Variants in CCDC148 observed in about 807,000 individuals in gnomAD.
CCDC148 encodes coiled-coil domain containing 148.
In CCDC148, 89 loss-of-function variants were observed where a neutral mutation model predicts 85.7. That is an observed-to-expected ratio of 1.04 (90% confidence interval 0.87 to 1.24). CCDC148 has a LOEUF of 1.24. CCDC148 is among the 50% of genes most tolerant of loss of function. CCDC148 has a pLI of 0.00. For missense variants in CCDC148, 692 were observed against 671.7 expected, an observed-to-expected ratio of 1.03 and a Z score of -0.33; for synonymous variants, 230 against 213.9, an observed-to-expected ratio of 1.08 and a Z score of -0.66.
At chr2:158,294,499 G>C (rs984088614) in intron 9 of CCDC148, among the ~76,000 whole-genome samples, 2 of 152,050 alleles carry the variant, frequency 1.3e-5, no homozygotes, top group South Asian at 2.1e-4. Flanking sequence ...ATAAGGAACT[G>C]CCAAAACAAG....
At chr2:158,254,618 A>G (rs1688935450) in intron 9 of CCDC148, among the ~76,000 whole-genome samples, 1 of 151,662 alleles carries the variant, frequency 6.6e-6, no homozygotes, top group Non-Finnish European at 1.5e-5. Flanking sequence ...GTTCTGAGGC[A>G]GTAGGAAGGA....
At chr2:158,282,517 T>A (rs1690375742) in intron 9 of CCDC148, among the ~76,000 whole-genome samples, 1 of 152,034 alleles carries the variant, frequency 6.6e-6, no homozygotes, top group Admixed American at 6.6e-5. Context: ...ATGAGTGAAC[T>A]CCCATTCACA....
intron 7 of CCDC148, among the ~76,000 whole-genome samples, chr2:158,333,687 A>C (rs929243812): frequency 6.6e-6 from 1 of 151,996 alleles, no homozygotes; most frequent in African/African-American, 2.4e-5. Context: ...ATGCTTTAGG[A>C]TCTGGGTGCT....
At chr2:158,437,441 A>C (rs1687713133) in intron 1 of CCDC148, among the ~76,000 whole-genome samples, 2 of 152,252 alleles carry the variant, frequency 1.3e-5, no homozygotes, top group Non-Finnish European at 2.9e-5. Context: ...TTCATGCTGA[A>C]AACTCTTAAT....
At chr2:158,455,941 AAAAC>A (rs1299069356) in intron 1 of CCDC148, among the ~76,000 whole-genome samples, 3 of 152,230 alleles carry the variant, frequency 2.0e-5, no homozygotes, top group Non-Finnish European at 4.4e-5. Context: ...TGGAAAATAG[AAAAC>A]AAAATCCATC....
chr2:158,322,283 T>C (rs1338519579), intron 7 of CCDC148, among the ~76,000 whole-genome samples: 1 of 152,136 alleles, frequency 6.6e-6, no homozygotes, highest in Non-Finnish European at 1.5e-5. Flanking sequence ...GTTAAATGTA[T>C]GTGATACAGT....
chr2:158,339,844 C>T (rs1374453567), intron 5 of CCDC148, among the ~76,000 whole-genome samples: 1 of 152,122 alleles, frequency 6.6e-6, no homozygotes, highest in Non-Finnish European at 1.5e-5. Context: ...TGTCAGGTAG[C>T]AGATGTGATT....
At chr2:158,275,815 C>G (rs1245482265) in intron 9 of CCDC148, among the ~76,000 whole-genome samples, 3 of 151,456 alleles carry the variant, frequency 2.0e-5, no homozygotes, top group Non-Finnish European at 4.4e-5. Flanking sequence ...AAAAGTATAT[C>G]CTATGATGAG....
intron 1 of CCDC148, among the ~76,000 whole-genome samples, chr2:158,417,788 A>G (rs1372441586): frequency 6.6e-6 from 1 of 152,058 alleles, no homozygotes; most frequent in Non-Finnish European, 1.5e-5. Flanking sequence ...AACATTGTGC[A>G]TTTTTTCAAA....
intron 11 of CCDC148, among the ~76,000 whole-genome samples, chr2:158,215,318 A>C (rs1026766773): frequency 3.9e-5 from 6 of 152,136 alleles, no homozygotes; most frequent in African/African-American, 1.4e-4. Flanking sequence ...ATTTTAAAAG[A>C]ATTAGGTAGG....
At chr2:158,423,076 A>G (rs916753862) in intron 1 of CCDC148, among the ~76,000 whole-genome samples, 2 of 152,332 alleles carry the variant, frequency 1.3e-5, no homozygotes, top group African/African-American at 4.8e-5. Context: ...CAACGAAATA[A>G]AAGAGGACCG....
chr2:158,416,122 C>T (rs1686488736), intron 1 of CCDC148, among the ~76,000 whole-genome samples: 1 of 152,220 alleles, frequency 6.6e-6, no homozygotes, highest in Admixed American at 6.5e-5. Context: ...TGGCCTGAGA[C>T]ATATCTGGGA....
chr2:158,277,742 G>A lies in CCDC148; in HGVS notation c.1111-26830C>T, dbSNP rs186935075. ...CTCCCGAGTAGCTGGGACTACAGGC[G>A]CCCGCCATCATGCCCAGCTAATTTT... On this transcript the variant is annotated intron_variant, in intron 9 of 13. Coordinates refer to ENST00000283233, the MANE Select transcript of CCDC148 (RefSeq NM_138803.4). 2.7e-3 allele frequency among the ~76,000 whole-genome samples: 404 copies of A among 152,178 alleles called. 1 individual carries two copies. Among genetic ancestry groups the A allele is most frequent in the Non-Finnish European group, 4.4e-3 (298 of 68,004 alleles).
At chr2:158,328,249 T>G (rs1283502557) in intron 7 of CCDC148, among the ~76,000 whole-genome samples, 1 of 152,168 alleles carries the variant, frequency 6.6e-6, no homozygotes, top group Admixed American at 6.5e-5. Context: ...CACCTATGAC[T>G]GAGAACATGC....
At chr2:158,432,252 A>T (rs1259245667) in intron 1 of CCDC148, among the ~76,000 whole-genome samples, 1 of 151,984 alleles carries the variant, frequency 6.6e-6, no homozygotes, top group African/African-American at 2.4e-5. Context: ...AAACAGCAGG[A>T]TGGTAGGCTT....
chr2:158,450,347 C>G (rs1416495473), intron 1 of CCDC148, among the ~76,000 whole-genome samples: 1 of 152,198 alleles, frequency 6.6e-6, no homozygotes, highest in East Asian at 1.9e-4. Flanking sequence ...CAGCCCTCTA[C>G]TGTGGTGATC....
chr2:158,278,448 T>C (rs189528637), intron 9 of CCDC148, among the ~76,000 whole-genome samples: 1 of 152,282 alleles, frequency 6.6e-6, no homozygotes, highest in East Asian at 1.9e-4. Context: ...CCGATGGGCT[T>C]AAAAAATGGC....
intron 9 of CCDC148, among the ~76,000 whole-genome samples, chr2:158,272,603 C>T (rs1689746420): frequency 6.6e-6 from 1 of 152,142 alleles, no homozygotes; most frequent in African/African-American, 2.4e-5. Context: ...TCCCCAGCCC[C>T]TGAGAGTAGG....
intron 11 of CCDC148, among the ~76,000 whole-genome samples, chr2:158,211,036 G>A (rs1288354586): frequency 6.6e-6 from 1 of 151,728 alleles, no homozygotes; most frequent in Non-Finnish European, 1.5e-5. Flanking sequence ...GGCCTACTTG[G>A]GGGTTGGGGG....
Sources: allele counts gnomAD v4.1 joint callset (sites outside exome capture counted in the v4.1 genomes callset), GRCh38; gene constraint gnomAD v4.1.1; transcripts MANE v1.5; gene names NCBI Gene and HGNC (gene_info 2026-07-23, HGNC 2026-07-21).